ALG8: variants seen among roughly 807,000 people sequenced by gnomAD.
The protein encoded by ALG8 is dolichyl pyrophosphate Glc1Man9GlcNAc2 alpha-1,3-glucosyltransferase.
Under a neutral mutation model 70.2 loss-of-function variants are expected in ALG8, and 48 were observed. The observed-to-expected ratio is 0.68, with a 90% CI of 0.54 to 0.87. The LOEUF (loss-of-function observed/expected upper bound fraction) is 0.87, where lower values mean the gene tolerates loss of function less well. Among genes scored for constraint, ALG8 ranks in the 40% least tolerant of loss-of-function variants. The pLI is 0.00. For missense variants in ALG8, 572 were observed against 608.7 expected, an observed-to-expected ratio of 0.94 and a Z score of 0.64; for synonymous variants, 234 against 229.0, an observed-to-expected ratio of 1.02 and a Z score of -0.20.
intron 1 of ALG8, among the ~76,000 whole-genome samples, chr11:78,138,285 G>A (rs1490869218): frequency 6.6e-6 from 1 of 150,420 alleles, no homozygotes; most frequent in East Asian, 2.0e-4. Context: ...GGAGGCAGAG[G>A]TTGCAGTAAG....
At chr11:78,116,327 G>A (rs1363435440) in intron 5 of ALG8, among the ~76,000 whole-genome samples, 4 of 152,020 alleles carry the variant, frequency 2.6e-5, no homozygotes, top group Non-Finnish European at 4.4e-5. Context: ...CTGAGATCGC[G>A]CCACTGCACT....
chr11:78,113,496 T>C (rs959004384), intron 7 of ALG8, among the ~76,000 whole-genome samples: 1 of 152,108 alleles, frequency 6.6e-6, no homozygotes, highest in Non-Finnish European at 1.5e-5. Flanking sequence ...GTGGATCACC[T>C]GAGGTCAGAA....
intron 1 of ALG8, among the ~76,000 whole-genome samples, chr11:78,134,165 C>G (rs2136947753): frequency 6.8e-6 from 1 of 147,036 alleles, no homozygotes; most frequent in African/African-American, 2.5e-5. Flanking sequence ...GAGATGGAGT[C>G]TCACTCTTGT....
chr11:78,122,342 A>ATTT (rs375214398), intron 3 of ALG8, among the ~76,000 whole-genome samples: 2,706 of 138,926 alleles, frequency 0.019, 49 homozygotes, highest in Middle Eastern at 0.045. Flanking sequence ...AGAGATTTCA[A>ATTT]TTTTTTTTTT....
intron 2 of ALG8, among the ~76,000 whole-genome samples, chr11:78,125,955 C>G (rs999592962): frequency 6.6e-6 from 1 of 151,126 alleles, no homozygotes; most frequent in Non-Finnish European, 1.5e-5. Flanking sequence ...GTCAGGAGAT[C>G]GAGACCATCC....
chr11:78,133,584 T>C (rs1861399678), intron 1 of ALG8: 3 of 152,136 alleles, frequency 2.0e-5, no homozygotes. Context: ...ATGAATTTTT[T>C]GATTTCCCAG....
At position 78,139,584 on chromosome 11, in the gene ALG8, G is replaced by A. The variant is rs1202671357; in HGVS notation, c.5C>T (p.Ala2Val). ...AGTACCCGTGGCAATTGTGAGCGCC[G>A]CCATTGCTGCGGCACCGCACGCTTC... Reference protein sequence around the residue: MAALTIATGTGN... With the variant: MVALTIATGTGN... The change falls in exon 1 of 13, where the codon GCG becomes GTG. Residue 2 changes from alanine to valine, a missense_variant. By Grantham distance (64) the Ala-to-Val change is moderately conservative (BLOSUM62 0). Transcript: ENST00000299626. 1 of 1,554,786 alleles carries A rather than the reference G, an allele frequency of 6.4e-7. No individual in the cohort carries two copies. The highest frequency in any genetic ancestry group is 8.7e-7 in the Non-Finnish European group (1 of 1,148,668).
chr11:78,110,831 T>C (rs1187349220), intron 8 of ALG8, among the ~76,000 whole-genome samples: 2 of 152,194 alleles, frequency 1.3e-5, no homozygotes, highest in Non-Finnish European at 2.9e-5. Context: ...CTGCTGATTC[T>C]CTCTTACAGC....
Position 78,114,608 on chromosome 11 carries a change from T to C in ALG8, c.547-216A>G, listed in dbSNP as rs928613815. On this transcript the variant is annotated intron_variant, in intron 5 of 12. Transcript: ENST00000299626. ...AAATGGGTGAGGGATATATAGGAACTCTCTGTACTATTTCTACAACTTTTC... is the reference window on the plus strand; with the variant it reads ...AAATGGGTGAGGGATATATAGGAACCCTCTGTACTATTTCTACAACTTTTC... 1.3e-5 allele frequency: 8 copies of C among 596,088 alleles called. No homozygotes were observed. The African/African-American group carries it at 1.5e-4, about 11-fold the overall frequency. 36.9% of individuals were successfully genotyped at this position (596,088 alleles called of 1,614,324 possible).
intron 8 of ALG8, chr11:78,112,444 GGAGC>G: frequency 1.7e-6 from 1 of 583,510 alleles, no homozygotes; most frequent in Non-Finnish European, 2.9e-6. Context: ...ATTACCACAA[GGAGC>G]TTTTATAAGG....
intron 3 of ALG8, among the ~76,000 whole-genome samples, 191 bp from the exon 4 acceptor site, chr11:78,121,365 G>A (rs182551019): frequency 3.3e-4 from 48 of 143,314 alleles, no homozygotes; most frequent in Admixed American, 5.8e-4. Flanking sequence ...GGCTGATCTC[G>A]AACTCCTGGG....
In ALG8 at chr11:78,139,517, G is replaced by A; in HGVS notation, c.72C>T (p.Leu24=). 6.4e-7 allele frequency: 1 copy of A among 1,562,144 alleles called. No homozygotes were observed. Among genetic ancestry groups the A allele is most frequent in the Non-Finnish European group, 8.7e-7 (1 of 1,152,590 alleles). ...ACTATGTGGGGATGAGAAGGCATTTGAGAAGAGTCACCCCGAGCGCCAAAG... is the reference window on the plus strand; with the variant it reads ...ACTATGTGGGGATGAGAAGGCATTTAAGAAGAGTCACCCCGAGCGCCAAAG... ...FSALALGVTL[L]KCLLIPTYHS... is the part of the protein sequence containing the mutation. Residue 24 remains leucine, a synonymous_variant, in exon 1 of 13, where the codon CTC becomes CTT. Coordinates refer to ENST00000299626, the MANE Select transcript of ALG8 (RefSeq NM_024079.5).
chr11:78,118,677 C>G (rs1860689765), intron 5 of ALG8, among the ~76,000 whole-genome samples: 1 of 150,338 alleles, frequency 6.7e-6, no homozygotes, highest in African/African-American at 2.4e-5. Context: ...GGCACAGGGG[C>G]TCATGCTTAT....
chr11:78,129,680 T>C (rs548868), intron 1 of ALG8, among the ~76,000 whole-genome samples: 33,180 of 152,194 alleles, frequency 0.22, 4,473 homozygotes, highest in African/African-American at 0.38. Flanking sequence ...TATACAGTGA[T>C]GTTCTAGAGG....
In ALG8 at chr11:78,127,048, C is replaced by T. The variant is rs1488256362; in HGVS notation, c.174+310G>A. Reference sequence around the variant, plus strand: ...AGGCTGGAGTGCAGTGGCGCGATCTCGGCTCACTGCAACCTCCGCCTCCCA... The same window carrying T: ...AGGCTGGAGTGCAGTGGCGCGATCTTGGCTCACTGCAACCTCCGCCTCCCA... On this transcript the variant is annotated intron_variant, in intron 2 of 12. Transcript: ENST00000299626. Among the ~76,000 whole-genome samples, 7 of 151,918 alleles carry T rather than the reference C, an allele frequency of 4.6e-5. No homozygotes were observed. The South Asian group carries it at 6.2e-4, about 14-fold the overall frequency.
chr11:78,119,157 A>T, intron 5 of ALG8, 25 bp downstream of exon 5: 1 of 1,561,834 alleles, frequency 6.4e-7, no homozygotes, highest in South Asian at 1.1e-5. Flanking sequence ...AAAGGGAAAA[A>T]ATCTAATTAA....
chr11:78,112,868 G>C (rs1860366372), intron 7 of ALG8, 98 bp from the exon 8 acceptor site: 1 of 1,461,070 alleles, frequency 6.8e-7, no homozygotes, highest in Admixed American at 2.0e-5. Context: ...TGTGTAGAAA[G>C]TTATGGGGTC....
Position 78,121,165 on chromosome 11 carries a change from T to C in ALG8, c.378A>G (p.Lys126=). 1.2e-6 allele frequency: 2 copies of C among 1,610,544 alleles called. No individual in the cohort carries two copies. The highest frequency in any genetic ancestry group is 1.7e-6 in the Non-Finnish European group (2 of 1,177,154). Residue 126 remains lysine, a synonymous_variant, in exon 4 of 13, where the codon AAA becomes AAG. Transcript: ENST00000299626. The part of the protein sequence containing the change: ...LFVYAVRECC[K]CIDGKKVGKE... ...TACCCACTTTTTTTCCATCAATGCA[T>C]TTACAGCACCTACATTGAAACATTA...
chr11:78,112,702 A>G lies in ALG8; in HGVS notation c.846T>C (p.Ala282=). The G allele has an allele frequency of 6.2e-7, 1 of 1,614,136 alleles. No homozygotes were observed. The highest frequency in any genetic ancestry group is 8.5e-7 in the Non-Finnish European group (1 of 1,179,976). The change falls in exon 8 of 13, where the codon GCT becomes GCC. Residue 282 remains alanine (A), a synonymous_variant. Coordinates refer to ENST00000299626, the MANE Select transcript of ALG8 (RefSeq NM_024079.5). ...CATTGTACAAAGCCCAGAAGTTTGG[A>G]GCCCAATATGCATGACAGAGGCCCC... is the stretch of plus-strand genomic sequence containing the variant. ...FKRGLCHAYW[A]PNFWALYNAL...
Sources: allele counts gnomAD v4.1 joint callset (sites outside exome capture counted in the v4.1 genomes callset), GRCh38; gene constraint gnomAD v4.1.1; transcripts MANE v1.5; gene names NCBI Gene and HGNC (gene_info 2026-07-23, HGNC 2026-07-21).